GPC5: variants seen among roughly 807,000 people sequenced by gnomAD.
GPC5 encodes the protein glypican-5.
A neutral mutation model predicts 53.9 loss-of-function variants in GPC5; 47 were observed. That is an observed-to-expected ratio of 0.87 (90% CI 0.69 to 1.11). The LOEUF is 1.11. Ranked by LOEUF, GPC5 falls within the 50% of genes most tolerant of loss-of-function variation. The pLI, the probability that GPC5 is intolerant of heterozygous loss-of-function variation, is 0.00. For missense variants in GPC5, 748 were observed against 713.1 expected (o/e 1.05, Z -0.56); for synonymous variants, 286 against 263.3 (o/e 1.09, Z -0.84).
rs1886557272 is a variant in GPC5, at chr13:92,666,134, TA to T, written c.1562-200147del. On this transcript the variant is annotated intron_variant, in intron 7 of 7. Coordinates refer to ENST00000377067, the MANE Select transcript of GPC5 (RefSeq NM_004466.6). Reference sequence around the variant, plus strand: ...AAGCTTGTAAATTACTTTATCCATCTACTTCTAGGAAATTACAAAGAACAAA... The same window carrying T: ...AAGCTTGTAAATTACTTTATCCATCTCTTCTAGGAAATTACAAAGAACAAA... 1.3e-5 allele frequency among the ~76,000 whole-genome samples: 2 copies of T among 152,218 alleles called. 1 individual carries two copies. Among genetic ancestry groups the T allele is most frequent in the Non-Finnish European group, 2.9e-5 (2 of 68,022 alleles).
intron 2 of GPC5, among the ~76,000 whole-genome samples, chr13:91,546,606 G>A (rs1343178101): frequency 6.6e-6 from 1 of 151,940 alleles, no homozygotes; most frequent in Non-Finnish European, 1.5e-5. Flanking sequence ...TGATATGTAT[G>A]TCATGATGTT....
chr13:92,218,365 A>G (rs61967890), intron 7 of GPC5, among the ~76,000 whole-genome samples: 18,440 of 152,106 alleles, frequency 0.12, 1,423 homozygotes, highest in Middle Eastern at 0.16. Flanking sequence ...TTATTTCTTC[A>G]TTCACTTCCA....
At chr13:92,131,691 G>A (rs1339244291) in intron 6 of GPC5, among the ~76,000 whole-genome samples, 1 of 151,816 alleles carries the variant, frequency 6.6e-6, no homozygotes, top group African/African-American at 2.4e-5. Flanking sequence ...CTTTTTTTGG[G>A]TTGTGGTTAT....
At chr13:92,323,425 G>GA (rs1157331660) in intron 7 of GPC5, among the ~76,000 whole-genome samples, 1 of 150,710 alleles carries the variant, frequency 6.6e-6, no homozygotes, top group African/African-American at 2.4e-5. Context: ...AAAATATGGG[G>GA]AAAAAATACC....
intron 2 of GPC5, among the ~76,000 whole-genome samples, chr13:91,560,296 A>G (rs1451454025): frequency 6.6e-6 from 1 of 152,158 alleles, no homozygotes; most frequent in African/African-American, 2.4e-5. Flanking sequence ...ATTGGGAAAT[A>G]CATTGGTGAG....
chr13:91,684,452 C>T (rs917860710), intron 2 of GPC5, among the ~76,000 whole-genome samples: 1 of 152,140 alleles, frequency 6.6e-6, no homozygotes, highest in Non-Finnish European at 1.5e-5. Flanking sequence ...TTAATGGTAC[C>T]ACTATGCATC....
chr13:92,226,313 T>C (rs1231383191), intron 7 of GPC5, among the ~76,000 whole-genome samples: 3 of 152,188 alleles, frequency 2.0e-5, no homozygotes, highest in East Asian at 1.9e-4. Flanking sequence ...TTTGACAGAA[T>C]TGTCAAGGGA....
intron 7 of GPC5, among the ~76,000 whole-genome samples, chr13:92,635,692 A>G (rs1163961749): frequency 6.6e-6 from 1 of 152,234 alleles, no homozygotes; most frequent in Non-Finnish European, 1.5e-5. Flanking sequence ...TTATTGGTAG[A>G]GTTCTCAACA....
intron 7 of GPC5, among the ~76,000 whole-genome samples, chr13:92,356,845 T>C (rs773013604): frequency 6.6e-6 from 1 of 152,220 alleles, no homozygotes; most frequent in Non-Finnish European, 1.5e-5. Flanking sequence ...GTTATTTGTT[T>C]GATACTCTTC....
chr13:92,806,737 A>G lies in GPC5; in HGVS notation c.1562-59545A>G, dbSNP rs117311838. On this transcript the variant is annotated intron_variant, in intron 7 of 7. Coordinates refer to ENST00000377067, the MANE Select transcript of GPC5 (RefSeq NM_004466.6). ...GTCAGTGCACACACGACTCTTAATT[A>G]AGTTCACTGTCTTATGTGGGTGCAG... 4.6e-5 allele frequency among the ~76,000 whole-genome samples: 7 copies of G among 152,184 alleles called. No homozygotes were observed. The East Asian group carries it at 1.2e-3, about 25-fold the overall frequency.
intron 7 of GPC5, among the ~76,000 whole-genome samples, chr13:92,810,187 G>A (rs192838093): frequency 6.7e-6 from 1 of 150,144 alleles, no homozygotes; most frequent in East Asian, 1.9e-4. Context: ...ATTCTACTAG[G>A]TAATCACAAA....
chr13:91,856,122 A>T (rs774280740), intron 5 of GPC5, among the ~76,000 whole-genome samples: 6 of 151,378 alleles, frequency 4.0e-5, no homozygotes, highest in Non-Finnish European at 3.0e-5. Context: ...TTGATATTTC[A>T]TTGTTTTCAT....
intron 1 of GPC5, among the ~76,000 whole-genome samples, chr13:91,416,180 C>T (rs914987379): frequency 6.6e-6 from 1 of 152,044 alleles, no homozygotes; most frequent in Admixed American, 6.6e-5. Flanking sequence ...GCTGCCCATT[C>T]CCACCCAAAA....
intron 7 of GPC5, among the ~76,000 whole-genome samples, chr13:92,727,555 A>G (rs971940441): frequency 2.6e-5 from 4 of 151,352 alleles, no homozygotes; most frequent in Non-Finnish European, 5.9e-5. Context: ...CACAAGCTCG[A>G]TAATAATATT....
intron 1 of GPC5, among the ~76,000 whole-genome samples, chr13:91,409,237 A>G (rs1877548028): frequency 6.6e-6 from 1 of 152,188 alleles, no homozygotes; most frequent in African/African-American, 2.4e-5. Context: ...TGTTCTCACC[A>G]GGCTTGGAAT....
intron 5 of GPC5, among the ~76,000 whole-genome samples, chr13:91,868,483 T>C (rs1364891643): frequency 6.6e-6 from 1 of 152,026 alleles, no homozygotes; most frequent in Non-Finnish European, 1.5e-5. Flanking sequence ...GATAGGAGGA[T>C]TACTTGAGCC....
chr13:91,734,019 T>G (rs1199292880), intron 4 of GPC5, among the ~76,000 whole-genome samples: 3 of 152,170 alleles, frequency 2.0e-5, no homozygotes, highest in Non-Finnish European at 4.4e-5. Flanking sequence ...CCTGGTTTAT[T>G]GAGAGTTTTT....
intron 7 of GPC5, among the ~76,000 whole-genome samples, chr13:92,483,143 CAT>C (rs1879420009): frequency 6.6e-6 from 1 of 152,202 alleles, no homozygotes; most frequent in Non-Finnish European, 1.5e-5. Context: ...CTTGCCTTGA[CAT>C]GTGGGGATTA....
chr13:92,160,047 T>A (rs1360323903), intron 7 of GPC5, among the ~76,000 whole-genome samples: 1 of 152,044 alleles, frequency 6.6e-6, no homozygotes, highest in Non-Finnish European at 1.5e-5. Flanking sequence ...AGATTATAGG[T>A]GCACACTGCC....
Sources: allele counts gnomAD v4.1 joint callset (sites outside exome capture counted in the v4.1 genomes callset), GRCh38; gene constraint gnomAD v4.1.1; transcripts MANE v1.5; gene names NCBI Gene and HGNC (gene_info 2026-07-23, HGNC 2026-07-21).